COPB2: variants seen among roughly 807,000 people sequenced by gnomAD.
The protein encoded by COPB2 is coat protein complex I subunit beta 2, also known as coatomer subunit beta'.
Under a neutral mutation model 120.8 loss-of-function variants are expected in COPB2, and 16 were observed. The ratio of observed to expected loss-of-function variants is 0.13; its 90% CI spans 0.09 to 0.20. The LOEUF (loss-of-function observed/expected upper bound fraction) is 0.20, where lower values mean the gene tolerates loss of function less well. COPB2 is among the 10% of genes least tolerant of loss of function. COPB2 has a pLI of 1.00. For missense variants in COPB2, 794 were observed against 1,076.5 expected, an observed-to-expected ratio of 0.74 and a Z score of 3.67; for synonymous variants, 332 against 366.3, an observed-to-expected ratio of 0.91 and a Z score of 1.07.
At chr3:139,373,478 TTA>T in intron 8 of COPB2, 66 bp from the exon 9 acceptor site, 2 of 1,575,810 alleles carry the variant, frequency 1.3e-6, no homozygotes. Context: ...ACAAAACAGA[TTA>T]TTTTTTTCAC....
At chr3:139,362,800 T>G (rs1941448861) in intron 15 of COPB2, among the ~76,000 whole-genome samples, 1 of 152,130 alleles carries the variant, frequency 6.6e-6, no homozygotes, top group Non-Finnish European at 1.5e-5. Flanking sequence ...AAGTAACCAG[T>G]AAAACTGGAA....
chr3:139,372,228 T>C (rs1432611961), intron 9 of COPB2, among the ~76,000 whole-genome samples: 1 of 152,212 alleles, frequency 6.6e-6, no homozygotes, highest in African/African-American at 2.4e-5. Context: ...GAAGGCACTA[T>C]ATTATTACAA....
At chr3:139,383,031 C>A in intron 2 of COPB2, 1 of 434,384 alleles carries the variant, frequency 2.3e-6, no homozygotes, top group Non-Finnish European at 4.1e-6. Flanking sequence ...ATAATACCAT[C>A]AGTTTTCTCA....
intron 16 of COPB2, 42 bp downstream of exon 16, chr3:139,362,365 G>A (rs1232093935): frequency 1.4e-6 from 2 of 1,418,962 alleles, no homozygotes; most frequent in African/African-American, 1.4e-5. Flanking sequence ...AGTACCTACT[G>A]ACTTTTCCAT....
At chr3:139,385,390 A>G (rs1003803018) in intron 1 of COPB2, 2 of 152,238 alleles carry the variant, frequency 1.3e-5, no homozygotes, top group African/African-American at 4.8e-5. Context: ...CAATAGTGTC[A>G]TATCAGGAAA....
chr3:139,370,264 A>C (rs1941599031), intron 10 of COPB2, among the ~76,000 whole-genome samples: 1 of 152,270 alleles, frequency 6.6e-6, no homozygotes, highest in Non-Finnish European at 1.5e-5. Flanking sequence ...ACTGAACCCT[A>C]TATACACTAT....
At chr3:139,360,626 A>G (rs1050871406) in intron 17 of COPB2, among the ~76,000 whole-genome samples, 1 of 152,148 alleles carries the variant, frequency 6.6e-6, no homozygotes, top group Non-Finnish European at 1.5e-5. Context: ...ACTTAAAAAT[A>G]TGAGACATCT....
chr3:139,375,329 AAC>A, intron 6 of COPB2, 137 bp downstream of exon 6: 1 of 695,974 alleles, frequency 1.4e-6, no homozygotes, highest in Non-Finnish European at 2.1e-6. Context: ...GAATTCTGGG[AAC>A]ACAGTTTAGG....
chr3:139,379,358 G>A, intron 3 of COPB2, 22 bp downstream of exon 3: 1 of 1,605,472 alleles, frequency 6.2e-7, no homozygotes, highest in Non-Finnish European at 8.5e-7. Flanking sequence ...AATGGGAATA[G>A]AGATTCATAT....
At chr3:139,378,482 A>T (rs187913224) in intron 4 of COPB2, among the ~76,000 whole-genome samples, 146 of 152,352 alleles carry the variant, frequency 9.6e-4, no homozygotes, top group Middle Eastern at 3.4e-3. Context: ...AAAGAGTAAT[A>T]TAAGTTTGAC....
chr3:139,372,056 C>G (rs1439631695), intron 9 of COPB2, among the ~76,000 whole-genome samples: 5 of 152,154 alleles, frequency 3.3e-5, no homozygotes, highest in Non-Finnish European at 5.9e-5. Context: ...TATGGCATTA[C>G]TGCTGAAATG....
chr3:139,367,352 C>G (rs1170157140), intron 13 of COPB2, among the ~76,000 whole-genome samples: 1 of 149,940 alleles, frequency 6.7e-6, no homozygotes, highest in South Asian at 2.1e-4. Context: ...AGTGGCGTAA[C>G]CTCTGCTCAC....
At chr3:139,375,224 T>C (rs562448370) in intron 6 of COPB2, among the ~76,000 whole-genome samples, 16 of 152,356 alleles carry the variant, frequency 1.1e-4, no homozygotes, top group African/African-American at 3.8e-4. Context: ...AACATTAAAA[T>C]GTTAAAATTT....
chr3:139,358,118 CCA>C, intron 21 of COPB2, 80 bp downstream of exon 21: 1 of 1,308,848 alleles, frequency 7.6e-7, no homozygotes. Flanking sequence ...GTCACTTAAA[CCA>C]CAGAGGCCTA....
intron 14 of COPB2, 97 bp from the exon 15 acceptor site, chr3:139,366,872 G>T: frequency 1.3e-6 from 2 of 1,484,988 alleles, no homozygotes; most frequent in South Asian, 1.2e-5. Context: ...CTTCCCATTT[G>T]ATTGACACAA....
chr3:139,380,632 A>G (rs1351288746), intron 2 of COPB2: 6 of 152,302 alleles, frequency 3.9e-5, no homozygotes, highest in African/African-American at 1.4e-4. Context: ...TAACTAAGAA[A>G]CACAATATAA....
intron 4 of COPB2, 34 bp downstream of exon 4, chr3:139,379,013 G>C (rs1227372821): frequency 6.5e-7 from 1 of 1,543,208 alleles, no homozygotes; most frequent in Non-Finnish European, 8.7e-7. Context: ...ATTACCCAAA[G>C]AGACGCACAT....
At chr3:139,377,000 C>T (rs142290956) in intron 5 of COPB2, among the ~76,000 whole-genome samples, 2,431 of 152,276 alleles carry the variant, frequency 0.016, 72 homozygotes, top group African/African-American at 0.053. Flanking sequence ...CCACCTGCCT[C>T]GGTCTCCCAA....
intron 12 of COPB2, among the ~76,000 whole-genome samples, chr3:139,369,045 G>GA (rs1353399744): frequency 1.3e-5 from 2 of 152,260 alleles, no homozygotes; most frequent in East Asian, 3.9e-4. Context: ...CAATTGCTCA[G>GA]AAAATCAGGA....
Sources: gnomAD v4.1 joint callset for allele counts (sites outside exome capture counted in the v4.1 genomes callset) on GRCh38, gnomAD v4.1.1 for gene constraint, MANE v1.5 for transcripts, NCBI Gene and HGNC (gene_info 2026-07-23, HGNC 2026-07-21) for gene names.